Variants in FGF13 observed in about 807,000 individuals in gnomAD.
FGF13 encodes fibroblast growth factor homologous factor 2.
Under a neutral mutation model 19.5 loss-of-function variants are expected in FGF13, and 2 were observed. That is an observed-to-expected ratio of 0.10 (90% CI 0.04 to 0.32). The LOEUF (loss-of-function observed/expected upper bound fraction) is 0.32, where lower values mean the gene tolerates loss of function less well. Ranked by LOEUF, FGF13 falls within the 10% of genes least tolerant of loss-of-function variation. FGF13 has a pLI of 1.00. For synonymous variants in FGF13, 72 were observed against 76.9 expected (o/e 0.94, Z 0.33); for missense variants, 113 against 192.7 (o/e 0.59, Z 2.45).
chrX:138,783,701 T>C (rs2090667153), intron 3 of FGF13, among the ~76,000 whole-genome samples: 1 of 103,747 alleles, frequency 9.6e-6, no homozygotes, highest in Non-Finnish European at 2.0e-5. Flanking sequence ...ATAGGAACAC[T>C]TTTACACTGT....
At position 138,701,426 on chromosome X, in the gene FGF13, C is replaced by T. The variant is rs183752742; in HGVS notation, c.402+1558G>A. 5.8e-3 allele frequency among the ~76,000 whole-genome samples: 646 copies of T among 112,068 alleles called. 6 individuals are homozygous for T. Among genetic ancestry groups the T allele is most frequent in the Middle Eastern group, 0.019 (4 of 216 alleles). ...TTAGTACACAAATCTAAAATAAAATCCCCTTTCCTATCTTTTATAGTAGCA... is the reference window on the plus strand; with the variant it reads ...TTAGTACACAAATCTAAAATAAAATTCCCTTTCCTATCTTTTATAGTAGCA... On this transcript the variant is annotated intron_variant, in intron 3 of 4. Transcript: ENST00000315930.
At chrX:138,801,502 C>G (rs747605109) in intron 3 of FGF13, among the ~76,000 whole-genome samples, 3 of 111,445 alleles carry the variant, frequency 2.7e-5, no homozygotes, top group South Asian at 3.8e-4. Flanking sequence ...ACTGTTCTCT[C>G]GTATGTGGTG....
chrX:139,178,384 T>C lies in FGF13; in HGVS notation c.-113+25032A>G, dbSNP rs903890519. 2.7e-5 allele frequency among the ~76,000 whole-genome samples: 3 copies of C among 112,133 alleles called. No homozygotes were observed. In the East Asian group the frequency reaches 8.4e-4, roughly 32 times the overall value. On this transcript the variant is annotated intron_variant, in intron 1 of 2. Coordinates refer to the FGF13 transcript ENST00000421460. ...AAGAAAGGATATGAATGATATCACT[T>C]GCACCATACTGCCAGAGGGAATTTG...
rs191554844 is a variant in FGF13 at position 139,169,241 on chromosome X, C to G, written c.-113+34175G>C. Among the ~76,000 whole-genome samples the G allele has an allele frequency of 1.5e-3, 165 of 112,054 alleles. 4 individuals are homozygous for G. In the Middle Eastern group the frequency reaches 0.037, roughly 25 times the overall value. ...CCATTTATCTCTTGCTCTTCACCAC[C>G]TCTTCATGCTATCTTCCCAAATATC... On this transcript the variant is annotated intron_variant, in intron 1 of 2. Transcript: ENST00000421460.
intron 3 of FGF13, among the ~76,000 whole-genome samples, chrX:138,776,052 C>G: frequency 8.9e-6 from 1 of 112,356 alleles, no homozygotes; most frequent in South Asian, 3.7e-4. Flanking sequence ...GCTCAGTGGG[C>G]CTTGGGCACT....
intron 3 of FGF13, among the ~76,000 whole-genome samples, chrX:138,799,301 C>A: frequency 9.0e-6 from 1 of 111,597 alleles, no homozygotes; most frequent in East Asian, 2.8e-4. Context: ...TCATTTCTGC[C>A]TTCATTTCGT....
chrX:138,892,917 C>A (rs2091484860), intron 1 of FGF13, among the ~76,000 whole-genome samples: 1 of 93,762 alleles, frequency 1.1e-5, no homozygotes, highest in Admixed American at 1.3e-4. Context: ...GACTACCCAC[C>A]AAGACCCAGG....
In FGF13 at chrX:139,041,604, C is replaced by G. The variant is rs889526600; in HGVS notation, c.-113+161812G>C. On this transcript the variant is annotated intron_variant, in intron 1 of 2. Coordinates refer to the FGF13 transcript ENST00000421460. ...TTAACTGGTATTAGTGTGTTTTAAG[C>G]ATTGCACTTAGTCACATTTTAGCTT... Among the ~76,000 whole-genome samples, 23 of 111,640 alleles carry G rather than the reference C, an allele frequency of 2.1e-4. 1 individual carries two copies. The highest frequency in any genetic ancestry group is 6.9e-4 in the African/African-American group (21 of 30,575).
Position 139,082,498 on chromosome X carries a change from A to G in FGF13, c.-113+120918T>C, listed in dbSNP as rs752574068. On this transcript the variant is annotated intron_variant, in intron 1 of 2. Transcript: ENST00000421460. ...TGCATTAAAGTGGGCTCTATATCCA[A>G]TGACTGGAGTCCTTGTAAGACGAGA... 3.6e-5 allele frequency among the ~76,000 whole-genome samples: 4 copies of G among 111,816 alleles called. No homozygotes were observed. In the South Asian group the frequency reaches 1.5e-3, roughly 43 times the overall value.
chrX:139,113,693 G>A (rs1266274089), intron 1 of FGF13, among the ~76,000 whole-genome samples: 1 of 111,902 alleles, frequency 8.9e-6, no homozygotes, highest in Non-Finnish European at 1.9e-5. Context: ...CCTTATACAT[G>A]ATGAGAATAC....
intron 1 of FGF13, among the ~76,000 whole-genome samples, chrX:138,935,016 C>T (rs1159031115): frequency 1.8e-5 from 2 of 111,306 alleles, no homozygotes; most frequent in African/African-American, 6.5e-5. Context: ...GAGGGCACCC[C>T]AAAGATTTCA....
intron 1 of FGF13, among the ~76,000 whole-genome samples, chrX:139,054,117 CTTTTTTTT>C (rs58544411): frequency 8.8e-5 from 3 of 33,962 alleles, no homozygotes; most frequent in African/African-American, 4.5e-4. Flanking sequence ...GTCTACGTGC[CTTTTTTTT>C]TTTTTTTTTT....
intron 1 of FGF13, among the ~76,000 whole-genome samples, chrX:139,099,870 C>A (rs1385132259): frequency 9.0e-6 from 1 of 111,161 alleles, no homozygotes; most frequent in Non-Finnish European, 1.9e-5. Context: ...TAGTAGACTT[C>A]TGGTCATAAA....
chrX:139,158,139 A>T (rs1201168990), intron 1 of FGF13, among the ~76,000 whole-genome samples: 17 of 111,273 alleles, frequency 1.5e-4, no homozygotes, highest in African/African-American at 5.6e-4. Flanking sequence ...TCAGGTGCCA[A>T]CACCACCAGG....
chrX:138,778,373 C>T (rs889168920), intron 3 of FGF13, among the ~76,000 whole-genome samples: 2 of 111,625 alleles, frequency 1.8e-5, no homozygotes, highest in Non-Finnish European at 3.8e-5. Context: ...AGGCAGAAGA[C>T]AGGTGATTTC....
intron 1 of FGF13, among the ~76,000 whole-genome samples, chrX:138,954,437 G>C (rs1363954170): frequency 1.8e-5 from 2 of 111,551 alleles, no homozygotes; most frequent in Non-Finnish European, 3.8e-5. Flanking sequence ...TCCCTTACCA[G>C]TTGTGTGGCC....
chrX:138,762,694 C>G (rs2090476199), intron 3 of FGF13, among the ~76,000 whole-genome samples: 1 of 111,461 alleles, frequency 9.0e-6, no homozygotes, highest in African/African-American at 3.3e-5. Context: ...CTCTCTGTGC[C>G]TAAGTTTTCT....
chrX:138,818,762 C>A (rs1165751706), intron 3 of FGF13, among the ~76,000 whole-genome samples: 1 of 110,864 alleles, frequency 9.0e-6, no homozygotes, highest in African/African-American at 3.3e-5. Flanking sequence ...TTTGGGAGGG[C>A]TGTCATTTTT....
At chrX:139,136,204 TA>T (rs201922480) in intron 1 of FGF13, among the ~76,000 whole-genome samples, 1,833 of 111,601 alleles carry the variant, frequency 0.016, 19 homozygotes, top group Non-Finnish European at 0.026. Context: ...TTTTTCAATA[TA>T]TTTTTTTATT....
Sources: allele counts gnomAD v4.1 joint callset (sites outside exome capture counted in the v4.1 genomes callset), GRCh38; gene constraint gnomAD v4.1.1; transcripts MANE v1.5; gene names NCBI Gene and HGNC (gene_info 2026-07-23, HGNC 2026-07-21).